The following TBK1 variants were observed in gnomAD, a reference collection of about 807,000 sequenced individuals.
TBK1 encodes TANK binding kinase 1, also known as serine/threonine-protein kinase TBK1.
A neutral mutation model predicts 99.9 loss-of-function variants in TBK1; 37 were observed. The observed-to-expected ratio is 0.37, with a 90% CI of 0.28 to 0.49. The LOEUF is 0.49. TBK1 is among the 20% of genes least tolerant of loss of function. The probability of loss-of-function intolerance (pLI) is 0.98; values close to 1 mark genes in which losing one functional copy is unlikely to be tolerated. For synonymous variants in TBK1, 258 were observed against 279.8 expected (o/e 0.92, Z 0.78); for missense variants, 644 against 872.5 (o/e 0.74, Z 3.30).
Position 64,464,347 on chromosome 12 carries a change from A to G in TBK1, c.242A>G (p.His81Arg). Residue 81 changes from histidine (H) to arginine (R), a missense_variant, in exon 4 of 21, where the codon CAT (histidine) becomes CGT (arginine). Coordinates refer to ENST00000331710, the MANE Select transcript of TBK1 (RefSeq NM_013254.4). ...TTTTTTTTTCAGACAACAACAAGAC[A>G]TAAAGTACTTATTATGGAATTTTGT... ...FAIEEETTTRHKVLIMEFCPC... is the reference protein window; with the variant it reads ...FAIEEETTTRRKVLIMEFCPC... 1.9e-6 allele frequency: 3 copies of G among 1,588,422 alleles called. No homozygotes were observed. Among genetic ancestry groups the G allele is most frequent in the Non-Finnish European group, 2.6e-6 (3 of 1,171,376 alleles).
intron 9 of TBK1, among the ~76,000 whole-genome samples, chr12:64,484,769 C>T (rs1286103784): frequency 1.3e-5 from 2 of 152,112 alleles, no homozygotes; most frequent in East Asian, 1.9e-4. Flanking sequence ...AAAAAATCCA[C>T]AAAGTCTGTC....
intron 11 of TBK1, among the ~76,000 whole-genome samples, chr12:64,486,350 C>G (rs988607135): frequency 6.6e-6 from 1 of 152,126 alleles, no homozygotes; most frequent in Non-Finnish European, 1.5e-5. Context: ...ACAATCTGTA[C>G]TTTCTAGCAT....
At chr12:64,458,502 T>C (rs938420504) in intron 2 of TBK1, among the ~76,000 whole-genome samples, 1 of 118,490 alleles carries the variant, frequency 8.4e-6, no homozygotes, top group Admixed American at 9.2e-5. Flanking sequence ...TCTGCACATA[T>C]GGATATATAC....
Position 64,484,535 on chromosome 12 carries a change from A to G in TBK1, c.1189+36A>G, listed in dbSNP as rs764877969. 6 of 1,566,964 alleles carry G rather than the reference A, an allele frequency of 3.8e-6. No homozygotes were observed. In the Admixed American group the frequency reaches 7.9e-5, roughly 21 times the overall value. On this transcript the variant is annotated intron_variant, in intron 9 of 20. Coordinates refer to ENST00000331710, the MANE Select transcript of TBK1 (RefSeq NM_013254.4). ...ATTTTTCTTGTCGTTCTTACTAGCC[A>G]TTAGAAAAATACAGCCAGCCTGGGC...
At chr12:64,489,068 T>C (rs555933732) in intron 12 of TBK1, among the ~76,000 whole-genome samples, 1 of 152,214 alleles carries the variant, frequency 6.6e-6, no homozygotes, top group Non-Finnish European at 1.5e-5. Context: ...GCCAGTTTTC[T>C]TGGTAAGAAG....
At chr12:64,454,854 T>C (rs1373393171) in intron 1 of TBK1, among the ~76,000 whole-genome samples, 1 of 151,504 alleles carries the variant, frequency 6.6e-6, no homozygotes, top group Non-Finnish European at 1.5e-5. Context: ...TTTTTTTGTA[T>C]TTTTAGTAGA....
chr12:64,495,065 GT>G (rs2040911468), intron 13 of TBK1, among the ~76,000 whole-genome samples: 1 of 152,114 alleles, frequency 6.6e-6, no homozygotes, highest in Admixed American at 6.6e-5. Context: ...AGTTGCTTTG[GT>G]TTGGCCTCTA....
chr12:64,471,647 C>T (rs1356795683), intron 5 of TBK1, among the ~76,000 whole-genome samples: 1 of 152,208 alleles, frequency 6.6e-6, no homozygotes, highest in Admixed American at 6.5e-5. Flanking sequence ...AGCCACCACA[C>T]CCTGTCTCTT....
intron 15 of TBK1, 84 bp downstream of exon 15, chr12:64,495,859 G>C: frequency 1.9e-6 from 2 of 1,079,246 alleles, no homozygotes; most frequent in Middle Eastern, 3.3e-4. Context: ...TGGTATATCT[G>C]TAAGGGTAGC....
chr12:64,501,356 G>A lies in TBK1; in HGVS notation c.2165G>A (p.Gly722Asp), dbSNP rs772228477. The A allele has an allele frequency of 8.1e-6, 13 of 1,613,784 alleles. No homozygotes were observed. In the Admixed American group the frequency reaches 2.0e-4, roughly 25 times the overall value. ...TTTGGCTCTTTAACCATGGATGGTG[G>A]CCTTCGCAACGTTGACTGTCTTTAG... ...ERFGSLTMDG[G>D]LRNVDCL The change falls in exon 21 of 21, where the codon GGC becomes GAC. Residue 722 changes from glycine (G) to aspartate (D), a missense_variant. Gly to Asp is a moderately conservative substitution (Grantham distance 94). Coordinates refer to ENST00000331710, the MANE Select transcript of TBK1 (RefSeq NM_013254.4).
intron 13 of TBK1, among the ~76,000 whole-genome samples, chr12:64,490,416 T>C (rs1565822412): frequency 6.6e-6 from 1 of 152,192 alleles, no homozygotes; most frequent in Non-Finnish European, 1.5e-5. Flanking sequence ...AGAAAGAATT[T>C]TTCCCATCTT....
chr12:64,458,573 T>C (rs1296205852), intron 2 of TBK1, among the ~76,000 whole-genome samples: 1 of 151,698 alleles, frequency 6.6e-6, no homozygotes, highest in Non-Finnish European at 1.5e-5. Context: ...TAGTGAATAA[T>C]AGATGACTGT....
intron 3 of TBK1, among the ~76,000 whole-genome samples, chr12:64,463,206 C>T (rs1212809108): frequency 6.6e-6 from 1 of 151,700 alleles, no homozygotes; most frequent in Admixed American, 6.6e-5. Context: ...CCCGTCTCTA[C>T]TAAAAATACA....
chr12:64,459,678 C>A (rs769523166), intron 2 of TBK1, among the ~76,000 whole-genome samples: 4 of 152,154 alleles, frequency 2.6e-5, no homozygotes, highest in Non-Finnish European at 5.9e-5. Flanking sequence ...TCCCCTCCCC[C>A]ACGTTGTCCT....
intron 16 of TBK1, 74 bp downstream of exon 16, chr12:64,496,480 A>C: frequency 1.4e-6 from 1 of 704,000 alleles, no homozygotes; most frequent in Non-Finnish European, 2.2e-6. Context: ...GATTCTTCTT[A>C]AAGTTGAAAT....
intron 18 of TBK1, 83 bp downstream of exon 18, chr12:64,497,342 T>C (rs2136088548): frequency 9.6e-7 from 1 of 1,037,364 alleles, no homozygotes; most frequent in East Asian, 2.5e-5. Flanking sequence ...TGGGATAGAA[T>C]GTGCCTACAT....
chr12:64,454,672 C>CTTTTTTTTTTTTTTTTTTTTTTTTT (rs11358053), intron 1 of TBK1, among the ~76,000 whole-genome samples: 1 of 83,632 alleles, frequency 1.2e-5, no homozygotes, highest in Non-Finnish European at 2.1e-5. Flanking sequence ...AAACTCAGAT[C>CTTTTTTTTTTTTTTTTTTTTTTTTT]TTTTTTTTTT....
intron 6 of TBK1, 110 bp downstream of exon 6, chr12:64,474,500 TTC>T: frequency 9.2e-7 from 1 of 1,086,772 alleles, no homozygotes; most frequent in South Asian, 1.7e-5. Flanking sequence ...TAACAATCAT[TTC>T]TGATATTTTA....
At position 64,466,964 on chromosome 12, in the gene TBK1, T is replaced by C. The variant is rs1440339267; in HGVS notation, c.422T>C (p.Ile141Thr). ...CACCGTGATATCAAGCCAGGAAATATCATGCGTGTTATAGGGGAAGATGGA... is the reference window on the plus strand; with the variant it reads ...CACCGTGATATCAAGCCAGGAAATACCATGCGTGTTATAGGGGAAGATGGA... ...IVHRDIKPGN[I>T]MRVIGEDGQS... Residue 141 changes from isoleucine (I) to threonine (T), a missense_variant, in exon 5 of 21, where the codon ATC (isoleucine) becomes ACC (threonine). Physicochemically the swap from Ile to Thr is moderately conservative, Grantham distance 89. This residue lies in a region of TBK1 where 148 missense variants were observed against 202.1 expected (regional missense o/e 0.73). Transcript: ENST00000331710. The C allele has an allele frequency of 1.9e-6, 3 of 1,612,944 alleles. No homozygotes were observed. The highest frequency in any genetic ancestry group is 1.7e-5 in the Admixed American group (1 of 59,840).
Sources: gnomAD v4.1 joint callset for allele counts (sites outside exome capture counted in the v4.1 genomes callset) on GRCh38, gnomAD v4.1.1 for gene constraint, gnomAD v4.1.1 regional missense constraint, MANE v1.5 for transcripts, NCBI Gene and HGNC (gene_info 2026-07-23, HGNC 2026-07-21) for gene names.